AXDND1: variants seen among roughly 807,000 people sequenced by gnomAD.
The protein encoded by AXDND1 is axonemal dynein light chain domain-containing protein 1.
A neutral mutation model predicts 137.5 loss-of-function variants in AXDND1; 110 were observed. The observed-to-expected ratio is 0.80, with a 90% CI of 0.69 to 0.94. The LOEUF (loss-of-function observed/expected upper bound fraction) is 0.94. Ranked by LOEUF, AXDND1 falls within the 40% of genes least tolerant of loss-of-function variation. The probability of loss-of-function intolerance (pLI) is 0.00; values close to 1 mark genes in which losing one functional copy is unlikely to be tolerated. For missense variants in AXDND1, 1,191 were observed against 1,169.8 expected, an observed-to-expected ratio of 1.02 and a Z score of -0.26; for synonymous variants, 414 against 399.7, an observed-to-expected ratio of 1.04 and a Z score of -0.43.
intron 24 of AXDND1, 69 bp from the exon 25 acceptor site, chr1:179,534,661 A>G: frequency 6.6e-7 from 1 of 1,509,278 alleles, no homozygotes; most frequent in Non-Finnish European, 8.8e-7. Flanking sequence ...CTTTTTAGAA[A>G]ATGAGTTTCG....
At chr1:179,442,364 T>A (rs1002890429) in intron 15 of AXDND1, among the ~76,000 whole-genome samples, 12 of 152,192 alleles carry the variant, frequency 7.9e-5, no homozygotes, top group African/African-American at 2.4e-4. Context: ...CAGTACGAAC[T>A]AAACTCCACG....
chr1:179,447,986 G>C, intron 16 of AXDND1: 2 of 1,415,240 alleles, frequency 1.4e-6, no homozygotes, highest in Non-Finnish European at 2.0e-6. Context: ...GAACTCCCTG[G>C]GTTAGTGTAG....
chr1:179,537,518 C>T (rs565542210), intron 25 of AXDND1, among the ~76,000 whole-genome samples: 5 of 152,146 alleles, frequency 3.3e-5, no homozygotes, highest in Admixed American at 1.3e-4. Flanking sequence ...TATGCTGAAC[C>T]AGCCTTGCAT....
At chr1:179,537,006 G>A (rs774888432) in intron 25 of AXDND1, among the ~76,000 whole-genome samples, 2 of 152,044 alleles carry the variant, frequency 1.3e-5, no homozygotes, top group African/African-American at 4.8e-5. Flanking sequence ...TGATTTGGCT[G>A]TTTGTCTGTT....
At chr1:179,481,307 G>A (rs76152029) in intron 17 of AXDND1, among the ~76,000 whole-genome samples, 20,702 of 149,942 alleles carry the variant, frequency 0.14, 1,556 homozygotes, top group East Asian at 0.35. Context: ...TACAAAGGAC[G>A]TGAACTCATC....
chr1:179,449,549 G>A (rs573313621), intron 16 of AXDND1: 1 of 153,538 alleles, frequency 6.5e-6, no homozygotes, highest in East Asian at 1.9e-4. Context: ...CAATTTCTAT[G>A]AAGAAATCAG....
chr1:179,474,587 A>C (rs61826030), intron 17 of AXDND1, among the ~76,000 whole-genome samples: 69,390 of 151,946 alleles, frequency 0.46, 16,720 homozygotes, highest in East Asian at 0.76. Context: ...TGGCATTTTG[A>C]CTCTGCCCTA....
chr1:179,459,703 CCTTT>C (rs899910570), intron 16 of AXDND1, among the ~76,000 whole-genome samples: 14 of 148,474 alleles, frequency 9.4e-5, no homozygotes, highest in Admixed American at 3.4e-4. Context: ...TTCTTTCTTT[CCTTT>C]CTTTCTTTTT....
intron 6 of AXDND1, among the ~76,000 whole-genome samples, chr1:179,379,811 AAAAAAAG>A (rs1435582331): frequency 2.6e-5 from 4 of 151,622 alleles, no homozygotes; most frequent in Admixed American, 6.6e-5. Context: ...AAAAAAAAAA[AAAAAAAG>A]AAAGAATACC....
At chr1:179,392,479 G>T (rs939482292) in intron 9 of AXDND1, among the ~76,000 whole-genome samples, 52 of 152,102 alleles carry the variant, frequency 3.4e-4, no homozygotes, top group Non-Finnish European at 6.8e-4. Flanking sequence ...ATTTTCCTGT[G>T]GGTAGATACC....
chr1:179,424,681 C>T (rs1057382082), intron 12 of AXDND1, among the ~76,000 whole-genome samples: 7 of 152,028 alleles, frequency 4.6e-5, no homozygotes, highest in Admixed American at 1.3e-4. Flanking sequence ...CCACCTGCCC[C>T]GGCCTCCCAA....
At chr1:179,554,335 T>G (rs1572271432) in intron 25 of AXDND1, 177 bp from the exon 26 acceptor site, 1 of 898,556 alleles carries the variant, frequency 1.1e-6, no homozygotes, top group South Asian at 1.7e-5. Flanking sequence ...AGATATTAGG[T>G]GATTTGTTTC....
At position 179,432,312 on chromosome 1, in the gene AXDND1, A is replaced by G. The variant is rs368813385; in HGVS notation, c.1533A>G (p.Ser511=). Residue 511 remains serine (S), a synonymous_variant, in exon 15 of 26, where the codon TCA becomes TCG. Transcript: ENST00000367618. ...LSPNKGNIFN[S]VLLDFKQWQK... ...CTAATAAGGGAAATATATTTAATTCAGTTCTTTTAGACTTCAAACAGTGGC... is the reference window on the plus strand; with the variant it reads ...CTAATAAGGGAAATATATTTAATTCGGTTCTTTTAGACTTCAAACAGTGGC... The G allele has an allele frequency of 8.3e-6, 13 of 1,574,260 alleles. No individual in the cohort carries two copies. Among genetic ancestry groups the G allele is most frequent in the Non-Finnish European group, 1.0e-5 (12 of 1,157,764 alleles).
chr1:179,380,234 G>A (rs1391518594), intron 6 of AXDND1, among the ~76,000 whole-genome samples: 1 of 151,424 alleles, frequency 6.6e-6, no homozygotes, highest in Admixed American at 6.6e-5. Flanking sequence ...GGGCGACAGA[G>A]TGAGACTCCG....
intron 13 of AXDND1, 78 bp from the exon 14 acceptor site, chr1:179,430,374 A>T: frequency 1.8e-6 from 2 of 1,092,076 alleles, no homozygotes; most frequent in East Asian, 5.2e-5. Flanking sequence ...CAATATTAAT[A>T]ATGGCCTGGT....
At chr1:179,535,217 G>T (rs1415314062) in intron 25 of AXDND1, among the ~76,000 whole-genome samples, 1 of 148,708 alleles carries the variant, frequency 6.7e-6, no homozygotes. Flanking sequence ...ACTGGCAAAG[G>T]TTTTTTTTTT....
chr1:179,383,664 T>G, intron 8 of AXDND1, 120 bp downstream of exon 8: 2 of 691,660 alleles, frequency 2.9e-6, no homozygotes, highest in Non-Finnish European at 4.9e-6. Context: ...AGTCATTTAA[T>G]GTATTTGTAC....
In AXDND1 at chr1:179,378,762, AT is replaced by A. The variant is rs1558091313; in HGVS notation, c.495+6del. The A allele has an allele frequency of 1.1e-5, 16 of 1,515,578 alleles. No homozygotes were observed. Among genetic ancestry groups the A allele is most frequent in the Non-Finnish European group, 1.4e-5 (16 of 1,129,980 alleles). 93.9% of individuals were successfully genotyped at this position (1,515,578 alleles called of 1,614,324 possible). On this transcript the variant is annotated splice_donor_region_variant and intron_variant, in intron 5 of 25. Coordinates refer to ENST00000367618, the MANE Select transcript of AXDND1 (RefSeq NM_144696.6). ...GGTGTCATTGTGCCCCATAAGGTAA[AT>A]AAAGTATTTGACAAATAATCTTCTC...
intron 11 of AXDND1, among the ~76,000 whole-genome samples, chr1:179,397,541 G>A (rs1031027702): frequency 1.3e-5 from 2 of 152,132 alleles, no homozygotes; most frequent in South Asian, 2.1e-4. Flanking sequence ...CTCTACCTAC[G>A]TTGGGGAAAT....
Sources: gnomAD v4.1 joint callset for allele counts (sites outside exome capture counted in the v4.1 genomes callset) on GRCh38, gnomAD v4.1.1 for gene constraint, MANE v1.5 for transcripts, NCBI Gene and HGNC (gene_info 2026-07-23, HGNC 2026-07-21) for gene names.